Variants in MCF2L2 observed in about 807,000 individuals in gnomAD.
The protein encoded by MCF2L2 is probable guanine nucleotide exchange factor MCF2L2.
In MCF2L2, 102 loss-of-function variants were observed where a neutral mutation model predicts 150.2. The observed-to-expected ratio is 0.68, with a 90% CI of 0.58 to 0.80. MCF2L2 has a LOEUF of 0.80. Among genes scored for constraint, MCF2L2 ranks in the 30% least tolerant of loss-of-function variants. MCF2L2 has a pLI of 0.00. For synonymous variants in MCF2L2, 465 were observed against 491.3 expected (o/e 0.95, Z 0.71); for missense variants, 1,256 against 1,372.8 (o/e 0.91, Z 1.34).
chr3:183,260,014 C>CCCCTG (rs1187879795), intron 15 of MCF2L2, among the ~76,000 whole-genome samples: 1 of 152,116 alleles, frequency 6.6e-6, no homozygotes, highest in Non-Finnish European at 1.5e-5. Context: ...CCCACCTCCT[C>CCCCTG]CCCTGCCCTC....
At chr3:183,250,495 G>A (rs916969581) in intron 15 of MCF2L2, among the ~76,000 whole-genome samples, 1 of 151,968 alleles carries the variant, frequency 6.6e-6, no homozygotes, top group African/African-American at 2.4e-5. Flanking sequence ...GCTGAGGCAG[G>A]AGAGTCACTT....
At chr3:183,303,057 G>T (rs148807498) in intron 10 of MCF2L2, among the ~76,000 whole-genome samples, 2,624 of 152,094 alleles carry the variant, frequency 0.017, 74 homozygotes, top group South Asian at 0.091. Context: ...AGCCAGGCAT[G>T]GTGGCACACA....
chr3:183,336,626 T>G (rs1034541260), intron 5 of MCF2L2, among the ~76,000 whole-genome samples: 2 of 151,880 alleles, frequency 1.3e-5, no homozygotes, highest in African/African-American at 4.8e-5. Context: ...GGTGGGTGGA[T>G]CACCTGAGGT....
At chr3:183,299,098 T>G (rs928443177) in intron 11 of MCF2L2, 1 of 152,394 alleles carries the variant, frequency 6.6e-6, no homozygotes, top group Non-Finnish European at 1.5e-5. Flanking sequence ...TCCTGCTGAC[T>G]GGGAACATAC....
At chr3:183,371,043 C>G (rs552520860) in intron 3 of MCF2L2, among the ~76,000 whole-genome samples, 121 of 152,332 alleles carry the variant, frequency 7.9e-4, no homozygotes, top group African/African-American at 2.8e-3. Flanking sequence ...ATCTCCCTGA[C>G]CCTTTGAGTC....
At position 183,192,993 on chromosome 3, in the gene MCF2L2, CCCTA is replaced by C. The variant is rs753916499; in HGVS notation, c.3016+2_3016+5del. ...GTGCTCCACTCTCCCATGGGACCCT[CCCTA>C]CCTTTAATCCCTCCTGTGCTGGAGG... On this transcript the variant is annotated splice_donor_variant and splice_donor_5th_base_variant and intron_variant, in intron 27 of 29. Transcript: ENST00000328913. LOFTEE classifies it high-confidence loss of function. The C allele has an allele frequency of 1.2e-6, 2 of 1,612,166 alleles. No individual in the cohort carries two copies. The highest frequency in any genetic ancestry group is 3.3e-5 in the Admixed American group (2 of 60,026).
chr3:183,312,469 A>G (rs1174349023), intron 7 of MCF2L2, among the ~76,000 whole-genome samples: 1 of 152,188 alleles, frequency 6.6e-6, no homozygotes, highest in Non-Finnish European at 1.5e-5. Flanking sequence ...ACCCATAAAG[A>G]AAGTCCAGAC....
intron 3 of MCF2L2, among the ~76,000 whole-genome samples, chr3:183,363,854 A>C (rs553772458): frequency 6.6e-6 from 1 of 152,228 alleles, no homozygotes; most frequent in African/African-American, 2.4e-5. Context: ...GGAAGATATA[A>C]TGAATATGTC....
At chr3:183,348,122 T>G (rs540553754) in intron 3 of MCF2L2, among the ~76,000 whole-genome samples, 1 of 152,240 alleles carries the variant, frequency 6.6e-6, no homozygotes, top group East Asian at 1.9e-4. Flanking sequence ...TGCAGCACTG[T>G]TTACAATAGT....
intron 27 of MCF2L2, among the ~76,000 whole-genome samples, chr3:183,180,669 T>C (rs1337914206): frequency 6.6e-6 from 1 of 152,234 alleles, no homozygotes; most frequent in Non-Finnish European, 1.5e-5. Flanking sequence ...ATCAGTCTTG[T>C]CTATGGCGCA....
chr3:183,333,322 T>G (rs1350135146), intron 5 of MCF2L2, among the ~76,000 whole-genome samples: 1 of 152,224 alleles, frequency 6.6e-6, no homozygotes, highest in African/African-American at 2.4e-5. Context: ...GTTGGGATTA[T>G]AGGCTTGAGC....
chr3:183,255,816 A>G (rs1576971864), intron 15 of MCF2L2, among the ~76,000 whole-genome samples: 1 of 152,118 alleles, frequency 6.6e-6, no homozygotes, highest in African/African-American at 2.4e-5. Context: ...GTAAAAAAAA[A>G]AAAAAAGAAA....
intron 14 of MCF2L2, chr3:183,287,586 T>C (rs1283879325): frequency 1.3e-5 from 2 of 152,216 alleles, no homozygotes; most frequent in East Asian, 1.9e-4. Context: ...TTTTTAAAAA[T>C]TGCTATTTAC....
In MCF2L2 at chr3:183,197,441, C is replaced by T. The variant is rs1006429238; in HGVS notation, c.2885-2186G>A. 6.6e-6 allele frequency among the ~76,000 whole-genome samples: 1 copy of T among 150,454 alleles called. No homozygotes were observed. The highest frequency in any genetic ancestry group is 1.5e-5 in the Non-Finnish European group (1 of 68,000). ...TCCATACCTCACACCACATACAAAT[C>T]AAAAACAGAAACAAACAAACAAACA... On this transcript the variant is annotated intron_variant, in intron 25 of 29. Transcript: ENST00000328913. This position sits in a 1 kb window ranked among gnomAD's most constrained non-coding sequence, Gnocchi z 4.5.
At chr3:183,210,598 G>T (rs550218268) in intron 22 of MCF2L2, among the ~76,000 whole-genome samples, 2 of 152,330 alleles carry the variant, frequency 1.3e-5, no homozygotes, top group East Asian at 3.9e-4. Flanking sequence ...TTTGGTCAGT[G>T]TGGAGGCTCA....
intron 5 of MCF2L2, among the ~76,000 whole-genome samples, chr3:183,329,319 C>G (rs1232268927): frequency 1.3e-5 from 2 of 152,282 alleles, no homozygotes; most frequent in East Asian, 3.9e-4. Flanking sequence ...TCCAGAGTAG[C>G]TGGGACTACA....
Position 183,289,159 on chromosome 3 carries a change from G to A in MCF2L2, c.1737C>T (p.Ser579=). 1 of 1,613,890 alleles carries A rather than the reference G, an allele frequency of 6.2e-7. No homozygotes were observed. ...TAGTCTCATCATCTTCCTTTCCCCG[G>A]GAGTTCAACTCTGTCTCCGTATAAG... is the stretch of plus-strand genomic sequence containing the variant. ...EEPYTETELN[S]RGKEDDETKF... The change falls in exon 14 of 30, where the codon TCC becomes TCT. Residue 579 remains serine, a synonymous_variant. Coordinates refer to ENST00000328913, the MANE Select transcript of MCF2L2 (RefSeq NM_015078.4).
intron 14 of MCF2L2, among the ~76,000 whole-genome samples, chr3:183,288,235 C>T (rs1025654350): frequency 6.6e-5 from 10 of 152,078 alleles, no homozygotes; most frequent in Non-Finnish European, 1.5e-4. Context: ...TTGCTTAAAC[C>T]CAGATCTGCC....
chr3:183,178,470 A>AAAATAAATAAATAAATAAATAAAT lies in MCF2L2; in HGVS notation c.*886_*909dup, dbSNP rs3056448. ...GCGACAGAGCGAGACTCCGTCTCGA[A>AAAATAAATAAATAAATAAATAAAT]AAATAAATAAATAAATAAATAAATA... On this transcript the variant is annotated 3_prime_UTR_variant, in exon 30 of 30. Coordinates refer to ENST00000328913, the MANE Select transcript of MCF2L2 (RefSeq NM_015078.4). 998 of 150,514 alleles carry AAAATAAATAAATAAATAAATAAAT rather than the reference A, an allele frequency of 6.6e-3. 12 individuals are homozygous for AAAATAAATAAATAAATAAATAAAT. The highest frequency in any genetic ancestry group is 0.023 in the African/African-American group (962 of 40,946). 9.3% of individuals were successfully genotyped at this position (150,514 alleles called of 1,614,324 possible).
Sources: allele counts gnomAD v4.1 joint callset (sites outside exome capture counted in the v4.1 genomes callset), GRCh38; gene constraint gnomAD v4.1.1; non-coding constraint Gnocchi (gnomAD v3.1); transcripts MANE v1.5; gene names NCBI Gene and HGNC (gene_info 2026-07-23, HGNC 2026-07-21).